ELFN2: variants seen among roughly 807,000 people sequenced by gnomAD.
ELFN2 encodes protein phosphatase 1 regulatory subunit 29.
A neutral mutation model predicts 45.5 loss-of-function variants in ELFN2; 17 were observed. The ratio of observed to expected loss-of-function variants is 0.37; its 90% CI spans 0.26 to 0.56. ELFN2 has a LOEUF of 0.56. Ranked by LOEUF, ELFN2 falls within the 20% of genes least tolerant of loss-of-function variation. The pLI is 0.77. For synonymous variants in ELFN2, 550 were observed against 551.5 expected (o/e 1.00, Z 0.04); for missense variants, 922 against 1,183.2 (o/e 0.78, Z 3.24).
intron 1 of ELFN2, among the ~76,000 whole-genome samples, chr22:37,344,887 T>C (rs1326305539): frequency 1.3e-5 from 2 of 152,072 alleles, no homozygotes; most frequent in East Asian, 3.9e-4. Context: ...ATGGGCATCA[T>C]CATCCCATGC....
intron 1 of ELFN2, among the ~76,000 whole-genome samples, chr22:37,360,890 C>T (rs1053300466): frequency 2.6e-5 from 4 of 152,204 alleles, no homozygotes; most frequent in Admixed American, 2.0e-4. Flanking sequence ...AGCCTCACTG[C>T]AGTGGGCAGA....
chr22:37,403,960 A>T (rs6000718), intron 2 of ELFN2, among the ~76,000 whole-genome samples: 2 of 152,078 alleles, frequency 1.3e-5, no homozygotes, highest in South Asian at 4.1e-4. Context: ...CGTCCCCAGC[A>T]CAAGGACACC....
intron 2 of ELFN2, among the ~76,000 whole-genome samples, chr22:37,405,899 G>A (rs1429127810): frequency 6.6e-6 from 1 of 152,060 alleles, no homozygotes; most frequent in Non-Finnish European, 1.5e-5. Context: ...CACCTTGGGA[G>A]GCCAAGGCAG....
intron 2 of ELFN2, among the ~76,000 whole-genome samples, chr22:37,383,332 G>C (rs1931841398): frequency 6.6e-6 from 1 of 152,224 alleles, no homozygotes; most frequent in South Asian, 2.1e-4. Context: ...CACACGGCCA[G>C]GCAGCCCTGG....
At chr22:37,356,636 C>A (rs939517555) in intron 1 of ELFN2, among the ~76,000 whole-genome samples, 1 of 152,196 alleles carries the variant, frequency 6.6e-6, no homozygotes, top group Non-Finnish European at 1.5e-5. Flanking sequence ...ATAGTCACGG[C>A]AGACACTTAT....
intron 2 of ELFN2, among the ~76,000 whole-genome samples, chr22:37,414,343 C>T (rs961670044): frequency 6.6e-6 from 1 of 152,122 alleles, no homozygotes; most frequent in African/African-American, 2.4e-5. Flanking sequence ...TGACAGTTAA[C>T]CAGAACAGGA....
At chr22:37,407,990 T>G (rs1273488877) in intron 2 of ELFN2, among the ~76,000 whole-genome samples, 1 of 152,154 alleles carries the variant, frequency 6.6e-6, no homozygotes, top group Non-Finnish European at 1.5e-5. Context: ...CTCTCCCTTC[T>G]CTGGACCTCT....
chr22:37,371,609 C>A lies in ELFN2; in HGVS notation c.*1463G>T. The stretch of plus-strand genomic sequence containing the variant: ...AGGAGCTGCTGCCAGGCTGGCCCTC[C>A]CTCACCACCCTCTGCCACCGCCTAC... On this transcript the variant is annotated 3_prime_UTR_variant, in exon 3 of 3. Coordinates refer to ENST00000402918, the MANE Select transcript of ELFN2 (RefSeq NM_052906.5). The surrounding 1 kb of genome is among the most constrained non-coding windows in gnomAD (Gnocchi z 6.4). 1 of 152,864 alleles carries A rather than the reference C, an allele frequency of 6.5e-6. No individual in the cohort carries two copies. The allele number at this position is 152,864 out of a possible 1,614,324, so 9.5% of individuals were successfully genotyped here. A position where few individuals can be genotyped will look rare whatever the true frequency, so the allele number is the denominator to read the frequency against.
intron 1 of ELFN2, among the ~76,000 whole-genome samples, chr22:37,347,282 C>T (rs1435673674): frequency 1.3e-5 from 2 of 152,122 alleles, no homozygotes; most frequent in Non-Finnish European, 1.5e-5. Context: ...CCTGGCCTCC[C>T]ATCTTCATTA....
intron 1 of ELFN2, among the ~76,000 whole-genome samples, chr22:37,343,585 C>G (rs941136536): frequency 1.3e-5 from 2 of 152,130 alleles, no homozygotes; most frequent in African/African-American, 2.4e-5. Context: ...GCCTGTCTTG[C>G]TCCCTCCTCA....
In ELFN2 at chr22:37,368,813, G is replaced by C. The variant is rs1931274440; in HGVS notation, c.*4259C>G. The C allele has an allele frequency of 6.6e-6, 1 of 152,404 alleles. No homozygotes were observed. The allele number at this position is 152,404 out of a possible 1,614,324, so 9.4% of individuals were successfully genotyped here. A position where few individuals can be genotyped will look rare whatever the true frequency, so the allele number is the denominator to read the frequency against. On this transcript the variant is annotated 3_prime_UTR_variant, in exon 3 of 3. Coordinates refer to ENST00000402918, the MANE Select transcript of ELFN2 (RefSeq NM_052906.5). The stretch of plus-strand genomic sequence containing the variant: ...GCCAGGAATGGGCAGGGGCAGGGTA[G>C]TAGGGGACAGAGGCGGTGCTTGGGG...
intron 2 of ELFN2, among the ~76,000 whole-genome samples, chr22:37,403,303 C>G (rs1188313476): frequency 6.6e-6 from 1 of 152,084 alleles, no homozygotes; most frequent in Non-Finnish European, 1.5e-5. Context: ...AACCCAGCTC[C>G]TAGACATCCC....
intron 1 of ELFN2, among the ~76,000 whole-genome samples, chr22:37,355,397 C>T: frequency 6.6e-6 from 1 of 152,236 alleles, no homozygotes; most frequent in East Asian, 1.9e-4. Context: ...TTGGCTGAGA[C>T]TGGTCACAGC....
intron 2 of ELFN2, among the ~76,000 whole-genome samples, chr22:37,408,501 G>A (rs1025076272): frequency 1.2e-4 from 18 of 152,318 alleles, no homozygotes; most frequent in East Asian, 3.9e-4. Context: ...TTGAGGCTCC[G>A]CTAGGTGAAG....
In ELFN2 at chr22:37,375,664, G is replaced by A; in HGVS notation, c.-130C>T. 2.8e-6 allele frequency: 3 copies of A among 1,078,322 alleles called. No individual in the cohort carries two copies. Among genetic ancestry groups the A allele is most frequent in the South Asian group, 3.3e-5 (2 of 59,710 alleles). The allele number at this position is 1,078,322 out of a possible 1,614,324, so 66.8% of individuals were successfully genotyped here. On this transcript the variant is annotated 5_prime_UTR_variant, in exon 3 of 3. Coordinates refer to ENST00000402918, the MANE Select transcript of ELFN2 (RefSeq NM_052906.5). ...GGCGACCCCCAGCACGGGGGCCCCAGGCAAGGTGGGTACAGCTAGTGCCAA... is the reference window on the plus strand; with the variant it reads ...GGCGACCCCCAGCACGGGGGCCCCAAGCAAGGTGGGTACAGCTAGTGCCAA...
intron 2 of ELFN2, among the ~76,000 whole-genome samples, chr22:37,400,607 C>T (rs1028876873): frequency 1.3e-5 from 2 of 152,232 alleles, no homozygotes; most frequent in Non-Finnish European, 2.9e-5. Flanking sequence ...CCCAAGGCCC[C>T]CTCAGCCTCC....
At chr22:37,387,205 GCCCCCCAATAGCCTGCTCCCACC>G (rs1396974176) in intron 2 of ELFN2, among the ~76,000 whole-genome samples, 4 of 151,998 alleles carry the variant, frequency 2.6e-5, no homozygotes, top group Non-Finnish European at 2.9e-5. Context: ...TGATGTCCAG[GCCCCCCAATAGCCTGCTCCCACC>G]CCCACCTTCA....
At chr22:37,420,789 GTAT>G (rs1307826719) in intron 1 of ELFN2, among the ~76,000 whole-genome samples, 13 of 152,210 alleles carry the variant, frequency 8.5e-5, no homozygotes, top group Admixed American at 2.0e-4. Flanking sequence ...TGATTAGCCA[GTAT>G]TATTAGTCAG....
chr22:37,394,213 C>T (rs971090272), intron 2 of ELFN2, among the ~76,000 whole-genome samples: 1 of 152,220 alleles, frequency 6.6e-6, no homozygotes, highest in Non-Finnish European at 1.5e-5. Flanking sequence ...CACCTCGACA[C>T]CTCTCCAGGC....
Sources: allele counts gnomAD v4.1 joint callset (sites outside exome capture counted in the v4.1 genomes callset), GRCh38; gene constraint gnomAD v4.1.1; non-coding constraint Gnocchi (gnomAD v3.1); transcripts MANE v1.5; gene names NCBI Gene and HGNC (gene_info 2026-07-23, HGNC 2026-07-21).